AQP7B: variants seen among roughly 807,000 people sequenced by gnomAD.
AQP7B encodes the protein aquaporin 7B.
At chr2:94,588,507 T>A in the AQP7B span, 1 of 739,494 alleles carries the variant, frequency 1.4e-6, no homozygotes. Flanking sequence ...CATCTACAAA[T>A]CTGAAGGACA....
chr2:94,597,525 G>A, the AQP7B span, among the ~76,000 whole-genome samples: 2 of 151,920 alleles, frequency 1.3e-5, no homozygotes, highest in Admixed American at 1.3e-4. Flanking sequence ...TGGGAAAACT[G>A]AGGCTCCTTG....
the AQP7B span, chr2:94,594,735 C>T: frequency 1.3e-6 from 2 of 1,550,262 alleles, no homozygotes; most frequent in Admixed American, 3.3e-5. Flanking sequence ...GCTCGGGCCA[C>T]TGTCTCAGGT....
chr2:94,604,539 C>G, the AQP7B span: 3 of 1,608,438 alleles, frequency 1.9e-6, no homozygotes, highest in Non-Finnish European at 2.5e-6. Flanking sequence ...TCTGCCCCAC[C>G]CTTACATGAA....
At chr2:94,600,261 T>C in the AQP7B span, among the ~76,000 whole-genome samples, 1,649 of 152,294 alleles carry the variant, frequency 0.011, 36 homozygotes, top group African/African-American at 0.038. Flanking sequence ...TTCAGGTTTT[T>C]TCCTTTATCA....
chr2:94,603,814 G>T, the AQP7B span: 5 of 1,508,636 alleles, frequency 3.3e-6, no homozygotes, highest in Non-Finnish European at 4.6e-6. Context: ...AAGCATCCTC[G>T]TGGTCATCAT....
the AQP7B span, among the ~76,000 whole-genome samples, chr2:94,593,097 C>T: frequency 1.3e-5 from 2 of 152,000 alleles, no homozygotes; most frequent in Non-Finnish European, 2.9e-5. Flanking sequence ...GCTGGGATTA[C>T]AGGCGTGAGC....
At chr2:94,596,116 C>A in the AQP7B span, among the ~76,000 whole-genome samples, 1 of 152,196 alleles carries the variant, frequency 6.6e-6, no homozygotes, top group African/African-American at 2.4e-5. Context: ...AAGCCGTCAG[C>A]GGCATGGGCA....
chr2:94,591,682 C>T, the AQP7B span, among the ~76,000 whole-genome samples: 1 of 152,178 alleles, frequency 6.6e-6, no homozygotes, highest in Admixed American at 6.5e-5. Context: ...TCCACTCCTC[C>T]GTGGCCAGCC....
chr2:94,594,826 A>G, the AQP7B span: 6 of 1,551,702 alleles, frequency 3.9e-6, no homozygotes, highest in Non-Finnish European at 4.4e-6. Flanking sequence ...TGAGAGGAAG[A>G]TGGTGCGAGA....
At chr2:94,594,831 G>T in the AQP7B span, 3 of 1,560,014 alleles carry the variant, frequency 1.9e-6, no homozygotes, top group Middle Eastern at 1.7e-4. Flanking sequence ...GGAAGATGGT[G>T]CGAGAGTTCT....
chr2:94,591,940 T>C, the AQP7B span, among the ~76,000 whole-genome samples: 1 of 151,824 alleles, frequency 6.6e-6, no homozygotes, highest in Non-Finnish European at 1.5e-5. Context: ...GCTCAATTGA[T>C]TGCTTTTCTT....
At chr2:94,593,323 G>A in the AQP7B span, among the ~76,000 whole-genome samples, 2 of 151,856 alleles carry the variant, frequency 1.3e-5, no homozygotes, top group Admixed American at 6.6e-5. Flanking sequence ...TGTAGGACTG[G>A]CATGTGCAAA....
At chr2:94,602,926 C>T in the AQP7B span, 13 of 1,288,546 alleles carry the variant, frequency 1.0e-5, no homozygotes, top group East Asian at 2.5e-5. Context: ...AAGGAGAGAG[C>T]TCTGTCACAG....
At chr2:94,597,619 T>G in the AQP7B span, among the ~76,000 whole-genome samples, 26 of 151,482 alleles carry the variant, frequency 1.7e-4, no homozygotes, top group Non-Finnish European at 2.8e-4. Context: ...TTTGTTTTTT[T>G]TTTTTTGTTT....
the AQP7B span, among the ~76,000 whole-genome samples, chr2:94,600,151 T>A: frequency 6.6e-6 from 1 of 152,054 alleles, no homozygotes; most frequent in South Asian, 2.1e-4. Context: ...ATTACAGGCA[T>A]GAGCCACCGC....
At chr2:94,598,351 G>A in the AQP7B span, among the ~76,000 whole-genome samples, 3 of 152,222 alleles carry the variant, frequency 2.0e-5, no homozygotes, top group African/African-American at 7.2e-5. Context: ...AGCTTCCAGG[G>A]GTGTTGCCCT....
chr2:94,603,087 G>A, the AQP7B span: 34 of 1,589,490 alleles, frequency 2.1e-5, no homozygotes, highest in South Asian at 4.6e-5. Context: ...GCTGGGCCGC[G>A]TGCCCTGGAG....
the AQP7B span, among the ~76,000 whole-genome samples, chr2:94,588,724 T>C: frequency 6.6e-5 from 10 of 151,288 alleles, no homozygotes; most frequent in South Asian, 1.9e-3. Context: ...CTTCCACCTG[T>C]TGCCTGGGCT....
chr2:94,603,822 C>T, the AQP7B span: 3 of 1,494,688 alleles, frequency 2.0e-6, no homozygotes, highest in South Asian at 3.5e-5. Flanking sequence ...TCGTGGTCAT[C>T]ATCAGGGTGT....
Sources: allele counts gnomAD v4.1 joint callset (sites outside exome capture counted in the v4.1 genomes callset), GRCh38; gene constraint gnomAD v4.1.1; transcripts MANE v1.5; gene names NCBI Gene and HGNC (gene_info 2026-07-23, HGNC 2026-07-21).